OSBPL1A: variants seen among roughly 807,000 people sequenced by gnomAD.
OSBPL1A encodes the protein oxysterol-binding protein-related protein 1.
Under a neutral mutation model 137.1 loss-of-function variants are expected in OSBPL1A, and 80 were observed. That is an observed-to-expected ratio of 0.58 (90% CI 0.49 to 0.70). The LOEUF is 0.70. Ranked by LOEUF, OSBPL1A falls within the 30% of genes least tolerant of loss-of-function variation. OSBPL1A has a pLI of 0.00. For missense variants in OSBPL1A, 970 were observed against 1,129.4 expected (o/e 0.86, Z 2.02); for synonymous variants, 365 against 389.7 (o/e 0.94, Z 0.75).
chr18:24,299,077 G>C (rs1225140361), intron 14 of OSBPL1A, among the ~76,000 whole-genome samples: 2 of 152,058 alleles, frequency 1.3e-5, no homozygotes, highest in African/African-American at 4.8e-5. Flanking sequence ...CATTTGCATG[G>C]AATATCTTTT....
chr18:24,334,622 T>C (rs2091139867), intron 5 of OSBPL1A, among the ~76,000 whole-genome samples: 1 of 152,222 alleles, frequency 6.6e-6, no homozygotes, highest in Non-Finnish European at 1.5e-5. Context: ...ATTACATATT[T>C]GCCTTGGAAA....
intron 16 of OSBPL1A, among the ~76,000 whole-genome samples, chr18:24,229,865 C>T (rs1567961468): frequency 6.6e-6 from 1 of 152,074 alleles, no homozygotes; most frequent in Non-Finnish European, 1.5e-5. Flanking sequence ...ATTCTTGTGC[C>T]CCAGCCTCCC....
intron 18 of OSBPL1A, among the ~76,000 whole-genome samples, chr18:24,186,305 C>G (rs539719292): frequency 2.0e-5 from 3 of 152,174 alleles, no homozygotes; most frequent in Non-Finnish European, 4.4e-5. Context: ...AACAATGTTA[C>G]TGTGGTAATA....
At chr18:24,182,713 G>C (rs1178925570) in intron 18 of OSBPL1A, among the ~76,000 whole-genome samples, 2 of 152,084 alleles carry the variant, frequency 1.3e-5, no homozygotes, top group African/African-American at 4.8e-5. Context: ...CTGGGGAGAT[G>C]AGGGAAAACA....
chr18:24,217,459 T>C (rs1200887304), intron 17 of OSBPL1A, among the ~76,000 whole-genome samples: 4 of 152,124 alleles, frequency 2.6e-5, no homozygotes. Flanking sequence ...AGTTTCACCA[T>C]GTTGGCCAAC....
At chr18:24,180,463 G>T (rs890661870) in intron 19 of OSBPL1A, among the ~76,000 whole-genome samples, 19 of 38,110 alleles carry the variant, frequency 5.0e-4, no homozygotes, top group African/African-American at 2.1e-3. Context: ...TTTCTATTTT[G>T]TGTGTGTGTG....
intron 13 of OSBPL1A, among the ~76,000 whole-genome samples, chr18:24,306,192 T>G (rs1454857157): frequency 6.6e-6 from 1 of 152,224 alleles, no homozygotes; most frequent in Non-Finnish European, 1.5e-5. Flanking sequence ...TACAGGGGCC[T>G]AGAGGATCAG....
At position 24,265,505 on chromosome 18, in the gene OSBPL1A, G is replaced by T. The variant is rs140030737; in HGVS notation, c.1281+15337C>A. ...GGAAAAAGAAAAAGAAAAAGAAAAA[G>T]AAATTTACTAAGAATTATGCTCACA... On this transcript the variant is annotated intron_variant, in intron 15 of 27. Transcript: ENST00000319481. Among the ~76,000 whole-genome samples the T allele has an allele frequency of 2.0e-5, 3 of 151,798 alleles. No individual in the cohort carries two copies. The East Asian group carries it at 5.8e-4, about 29-fold the overall frequency.
intron 4 of OSBPL1A, among the ~76,000 whole-genome samples, chr18:24,366,208 G>A (rs2091699443): frequency 6.6e-6 from 1 of 152,144 alleles, no homozygotes; most frequent in Admixed American, 6.6e-5. Context: ...AAGGCATGGA[G>A]GAAGGGCACA....
At chr18:24,326,006 C>G (rs1434362303) in intron 7 of OSBPL1A, among the ~76,000 whole-genome samples, 1 of 151,872 alleles carries the variant, frequency 6.6e-6, no homozygotes, top group Non-Finnish European at 1.5e-5. Context: ...CCTGCATTGG[C>G]CTCCCAAAGT....
intron 2 of OSBPL1A, among the ~76,000 whole-genome samples, chr18:24,371,551 T>C (rs768338843): frequency 1.3e-5 from 2 of 152,100 alleles, no homozygotes; most frequent in Non-Finnish European, 2.9e-5. Flanking sequence ...TTGCCTGTCT[T>C]CAACCTCTCC....
intron 2 of OSBPL1A, among the ~76,000 whole-genome samples, chr18:24,376,553 G>A (rs1022049420): frequency 1.3e-5 from 2 of 152,250 alleles, no homozygotes; most frequent in African/African-American, 4.8e-5. Context: ...AGGTGGAGCT[G>A]CCTGCCAGTC....
intron 18 of OSBPL1A, among the ~76,000 whole-genome samples, chr18:24,192,959 C>T (rs1463771429): frequency 6.6e-6 from 1 of 152,172 alleles, no homozygotes; most frequent in Non-Finnish European, 1.5e-5. Context: ...AGGATGCTTA[C>T]ACCCCGCACT....
intron 16 of OSBPL1A, among the ~76,000 whole-genome samples, chr18:24,234,430 A>C (rs1325875921): frequency 1.3e-5 from 2 of 152,238 alleles, no homozygotes; most frequent in African/African-American, 2.4e-5. Context: ...GAATTTAATC[A>C]AATTTGTGGG....
chr18:24,254,398 T>C (rs1186502881), intron 15 of OSBPL1A, among the ~76,000 whole-genome samples: 1 of 152,188 alleles, frequency 6.6e-6, no homozygotes, highest in Non-Finnish European at 1.5e-5. Flanking sequence ...AGAATACACA[T>C]TCTTTTCCTC....
At chr18:24,285,829 T>C (rs1404470971) in intron 14 of OSBPL1A, among the ~76,000 whole-genome samples, 1 of 152,196 alleles carries the variant, frequency 6.6e-6, no homozygotes, top group Non-Finnish European at 1.5e-5. Flanking sequence ...ATGAAAGACC[T>C]GATCTAACCT....
At chr18:24,173,866 T>A (rs1309333996) in intron 21 of OSBPL1A, among the ~76,000 whole-genome samples, 4 of 152,246 alleles carry the variant, frequency 2.6e-5, no homozygotes, top group Non-Finnish European at 5.9e-5. Flanking sequence ...ACTTTGTTCA[T>A]ACTTCTCCTG....
intron 1 of OSBPL1A, among the ~76,000 whole-genome samples, chr18:24,388,390 T>G (rs1907082976): frequency 6.6e-6 from 1 of 152,120 alleles, no homozygotes; most frequent in South Asian, 2.1e-4. Context: ...GAAAACAAAG[T>G]AATCCAGTCT....
chr18:24,173,208 G>C (rs2086335815), intron 21 of OSBPL1A, among the ~76,000 whole-genome samples: 1 of 152,130 alleles, frequency 6.6e-6, no homozygotes, highest in South Asian at 2.1e-4. Context: ...GTGAACTCAT[G>C]AACACAAAGA....
Sources: gnomAD v4.1 joint callset for allele counts (sites outside exome capture counted in the v4.1 genomes callset) on GRCh38, gnomAD v4.1.1 for gene constraint, MANE v1.5 for transcripts, NCBI Gene and HGNC (gene_info 2026-07-23, HGNC 2026-07-21) for gene names.